Variants in ZFHX3 observed in about 807,000 individuals in gnomAD.
The protein encoded by ZFHX3 is zinc finger homeobox 3.
In ZFHX3, 42 loss-of-function variants were observed where a neutral mutation model predicts 279.1. The ratio of observed to expected loss-of-function variants is 0.15; its 90% CI spans 0.12 to 0.19. The LOEUF (loss-of-function observed/expected upper bound fraction) is 0.19. ZFHX3 is among the 10% of genes least tolerant of loss of function. ZFHX3 has a pLI of 1.00. For synonymous variants in ZFHX3, 2,293 were observed against 1,957.8 expected (o/e 1.17, Z -4.52); for missense variants, 4,981 against 4,754.0 (o/e 1.05, Z -1.40).
At chr16:73,222,775 A>G (rs761093732) in intron 5 of ZFHX3, among the ~76,000 whole-genome samples, 1 of 152,154 alleles carries the variant, frequency 6.6e-6, no homozygotes, top group African/African-American at 2.4e-5. Flanking sequence ...ATATTGAAAG[A>G]GAAGAAAAGA....
intron 5 of ZFHX3, among the ~76,000 whole-genome samples, chr16:73,180,068 C>T (rs1432194673): frequency 1.3e-5 from 2 of 152,170 alleles, no homozygotes; most frequent in Non-Finnish European, 2.9e-5. Context: ...ATTAAAATTA[C>T]AGACTCCTAC....
chr16:73,246,709 T>C (rs1217782759), intron 5 of ZFHX3, among the ~76,000 whole-genome samples: 2 of 152,258 alleles, frequency 1.3e-5, no homozygotes, highest in East Asian at 1.9e-4. Flanking sequence ...TTAGATACGA[T>C]GTGCTTAAAA....
intron 5 of ZFHX3, among the ~76,000 whole-genome samples, chr16:73,223,974 G>T (rs1404275719): frequency 6.6e-6 from 1 of 152,130 alleles, no homozygotes; most frequent in Non-Finnish European, 1.5e-5. Context: ...TCTGTAAAAC[G>T]CAAAACTGTG....
rs894700555 is a variant in ZFHX3 at position 73,279,732 on chromosome 16, A to G, written c.-1193-22596T>C. On this transcript the variant is annotated intron_variant, in intron 4 of 17. Transcript: ENST00000641206. ...ACAGGCTGAAGACATGAGGACATAC[A>G]GCTGCAGCTTGAAGGACGTTGCACA... 2.6e-5 allele frequency among the ~76,000 whole-genome samples: 4 copies of G among 152,182 alleles called. 1 individual carries two copies. Among genetic ancestry groups the G allele is most frequent in the Non-Finnish European group, 5.9e-5 (4 of 68,042 alleles).
intron 2 of ZFHX3, among the ~76,000 whole-genome samples, chr16:72,956,656 G>T (rs80334136): frequency 0.024 from 3,675 of 152,264 alleles, 88 homozygotes; most frequent in South Asian, 0.066. Flanking sequence ...TCCTGGCAGC[G>T]AAGGCTCCGC....
At chr16:72,989,469 C>G (rs1164528043) in intron 1 of ZFHX3, among the ~76,000 whole-genome samples, 1 of 149,586 alleles carries the variant, frequency 6.7e-6, no homozygotes, top group Admixed American at 6.6e-5. Context: ...GCGACAGACA[C>G]TCTGTCTCAA....
intron 7 of ZFHX3, among the ~76,000 whole-genome samples, chr16:73,102,157 G>T (rs1411984282): frequency 6.6e-6 from 1 of 151,708 alleles, no homozygotes. Flanking sequence ...CAGGTGAGTC[G>T]CTCACCTCAG....
chr16:72,800,242 T>C (rs890787262), intron 7 of ZFHX3, 113 bp from the exon 8 acceptor site: 3 of 808,204 alleles, frequency 3.7e-6, no homozygotes, highest in African/African-American at 1.7e-5. Flanking sequence ...AAGCTAGAGG[T>C]GTCTCACTTT....
chr16:73,815,802 T>A (rs984552379), intron 1 of ZFHX3: 2 of 152,180 alleles, frequency 1.3e-5, no homozygotes, highest in African/African-American at 4.8e-5. Flanking sequence ...TGACCTCAGG[T>A]AATCTGCCCA....
intron 3 of ZFHX3, among the ~76,000 whole-genome samples, chr16:73,442,819 T>G (rs143441018): frequency 7.2e-5 from 11 of 152,314 alleles, no homozygotes; most frequent in African/African-American, 2.6e-4. Context: ...AATGGGTGTT[T>G]GGGAAATTCT....
intron 2 of ZFHX3, among the ~76,000 whole-genome samples, chr16:73,642,751 C>T (rs1359534632): frequency 6.6e-6 from 1 of 152,136 alleles, no homozygotes; most frequent in Non-Finnish European, 1.5e-5. Flanking sequence ...CGCTGTTTTT[C>T]CTTCCTGACA....
chr16:73,588,570 G>T (rs1239905869), intron 2 of ZFHX3, among the ~76,000 whole-genome samples: 1 of 151,722 alleles, frequency 6.6e-6, no homozygotes, highest in Admixed American at 6.6e-5. Flanking sequence ...GGCGCCTGTA[G>T]TCCCAGCTAC....
chr16:73,846,926 TA>T (rs1370505833), intron 1 of ZFHX3, among the ~76,000 whole-genome samples: 1 of 152,132 alleles, frequency 6.6e-6, no homozygotes, highest in African/African-American at 2.4e-5. Flanking sequence ...AACTTGTTTT[TA>T]AATAGTTTTT....
chr16:73,190,443 T>G (rs1310076194), intron 5 of ZFHX3, among the ~76,000 whole-genome samples: 1 of 152,180 alleles, frequency 6.6e-6, no homozygotes, highest in Admixed American at 6.5e-5. Flanking sequence ...TTTCTGGACA[T>G]GGGAAAGAAG....
At chr16:73,439,217 G>A (rs1029524280) in intron 3 of ZFHX3, among the ~76,000 whole-genome samples, 2 of 152,142 alleles carry the variant, frequency 1.3e-5, no homozygotes, top group African/African-American at 2.4e-5. Context: ...AGAGTCAGCC[G>A]GCAGAAGGGT....
chr16:72,907,597 G>A (rs2039213152), intron 3 of ZFHX3, among the ~76,000 whole-genome samples: 1 of 138,626 alleles, frequency 7.2e-6, no homozygotes, highest in South Asian at 2.3e-4. Context: ...GTGTGTGTGT[G>A]TGTGTGTGTT....
intron 1 of ZFHX3, among the ~76,000 whole-genome samples, chr16:73,787,914 G>A (rs1317379179): frequency 6.6e-6 from 1 of 151,672 alleles, no homozygotes; most frequent in African/African-American, 2.4e-5. Context: ...TCCAGTTTTT[G>A]TATCGGTCAG....
intron 3 of ZFHX3, among the ~76,000 whole-genome samples, chr16:72,918,830 G>C (rs898796556): frequency 4.0e-5 from 6 of 151,724 alleles, no homozygotes; most frequent in Non-Finnish European, 7.4e-5. Flanking sequence ...TGAGTAGCTG[G>C]GATTACAGGC....
At chr16:73,082,643 G>C (rs1965963078) in intron 8 of ZFHX3, among the ~76,000 whole-genome samples, 1 of 152,074 alleles carries the variant, frequency 6.6e-6, no homozygotes, top group Non-Finnish European at 1.5e-5. Flanking sequence ...GCAGATCCTG[G>C]AGTGAATACT....
Sources: allele counts gnomAD v4.1 joint callset (sites outside exome capture counted in the v4.1 genomes callset), GRCh38; gene constraint gnomAD v4.1.1; transcripts MANE v1.5; gene names NCBI Gene and HGNC (gene_info 2026-07-23, HGNC 2026-07-21).